GABRG3: variants seen among roughly 807,000 people sequenced by gnomAD.
GABRG3 encodes the protein gamma-aminobutyric acid type A receptor subunit gamma3, also known as gamma-aminobutyric acid receptor subunit gamma-3.
GABRG3 carries 25 observed loss-of-function variants against 48.8 expected under a neutral mutation model. The observed-to-expected ratio is 0.51, with a 90% CI of 0.37 to 0.72. GABRG3 has a LOEUF of 0.72. Ranked by LOEUF, GABRG3 falls within the 30% of genes least tolerant of loss-of-function variation. The pLI is 0.00. For missense variants in GABRG3, 394 were observed against 577.9 expected (o/e 0.68, Z 3.26); for synonymous variants, 227 against 217.6 (o/e 1.04, Z -0.38).
chr15:26,985,158 T>A (rs1019116375), intron 2 of GABRG3, among the ~76,000 whole-genome samples: 2 of 152,208 alleles, frequency 1.3e-5, no homozygotes, highest in South Asian at 4.2e-4. Flanking sequence ...TGGCAGGAGA[T>A]CCCAGCCTCC....
At chr15:27,015,151 G>A (rs1895754787) in intron 2 of GABRG3, among the ~76,000 whole-genome samples, 1 of 152,008 alleles carries the variant, frequency 6.6e-6, no homozygotes, top group Non-Finnish European at 1.5e-5. Flanking sequence ...TTTAACCTAT[G>A]TATGTCCTTA....
intron 5 of GABRG3, among the ~76,000 whole-genome samples, chr15:27,389,224 C>T (rs1433732697): frequency 6.6e-6 from 1 of 152,060 alleles, no homozygotes. Flanking sequence ...ATGAAAGCAA[C>T]AGAAGCTACA....
intron 5 of GABRG3, among the ~76,000 whole-genome samples, chr15:27,394,625 T>C (rs1887244782): frequency 6.6e-6 from 1 of 152,206 alleles, no homozygotes; most frequent in African/African-American, 2.4e-5. Flanking sequence ...TAGAATTTCT[T>C]GTAAAGCAGG....
At chr15:27,190,377 G>T (rs13380044) in intron 3 of GABRG3, among the ~76,000 whole-genome samples, 1 of 152,106 alleles carries the variant, frequency 6.6e-6, no homozygotes, top group Non-Finnish European at 1.5e-5. Context: ...TGGTTGGTAA[G>T]CTATTGATTA....
At chr15:27,338,082 C>T (rs1049489448) in intron 5 of GABRG3, among the ~76,000 whole-genome samples, 9 of 152,104 alleles carry the variant, frequency 5.9e-5, no homozygotes, top group Admixed American at 2.6e-4. Flanking sequence ...CTGTTCGGCT[C>T]CTCCTTGGGG....
chr15:27,237,815 C>T (rs1451964566), intron 3 of GABRG3, among the ~76,000 whole-genome samples: 1 of 152,168 alleles, frequency 6.6e-6, no homozygotes, highest in Non-Finnish European at 1.5e-5. Flanking sequence ...CTTGGGATGC[C>T]ACGGCCCATT....
rs928492604 is a variant in GABRG3, at chr15:27,455,750, G to T, written c.575-24900G>T. On this transcript the variant is annotated intron_variant, in intron 5 of 9. Coordinates refer to ENST00000615808, the MANE Select transcript of GABRG3 (RefSeq NM_033223.5). ...GTTTGTGAGTTTGTGTGTGGTGTGT[G>T]TGTGGTGTGTATGTGTGCTATGTGT... is the stretch of plus-strand genomic sequence containing the variant. Among the ~76,000 whole-genome samples the T allele has an allele frequency of 4.6e-5, 7 of 150,690 alleles. No homozygotes were observed. In the East Asian group the frequency reaches 7.8e-4, roughly 17 times the overall value.
At chr15:27,129,915 G>A (rs1439283693) in intron 3 of GABRG3, among the ~76,000 whole-genome samples, 1 of 151,958 alleles carries the variant, frequency 6.6e-6, no homozygotes, top group Non-Finnish European at 1.5e-5. Context: ...TGTTTAAATA[G>A]TTGCTCTGTT....
chr15:27,029,962 G>A (rs1051984467), intron 3 of GABRG3, among the ~76,000 whole-genome samples: 5 of 152,158 alleles, frequency 3.3e-5, no homozygotes, highest in Admixed American at 1.3e-4. Context: ...GCAACCAAAC[G>A]ACGCAATTTT....
chr15:27,042,912 C>T (rs980289750), intron 3 of GABRG3, among the ~76,000 whole-genome samples: 4 of 152,240 alleles, frequency 2.6e-5, no homozygotes, highest in African/African-American at 9.6e-5. Context: ...GTTGGAGATG[C>T]TGTTGTCACT....
At chr15:27,258,373 T>A (rs996886788) in intron 3 of GABRG3, among the ~76,000 whole-genome samples, 1 of 152,334 alleles carries the variant, frequency 6.6e-6, no homozygotes. Flanking sequence ...GTTCACCTTG[T>A]TCGCAGCCTG....
Position 27,226,015 on chromosome 15 carries a change from G to A in GABRG3, c.271-100794G>A, listed in dbSNP as rs148665723. 2.7e-3 allele frequency among the ~76,000 whole-genome samples: 414 copies of A among 152,308 alleles called. 1 individual carries two copies. Among genetic ancestry groups the A allele is most frequent in the Non-Finnish European group, 4.5e-3 (303 of 68,030 alleles). On this transcript the variant is annotated intron_variant, in intron 3 of 9. Transcript: ENST00000615808. ...TTCTCTGGATGTGTCTTGCAGGCAG[G>A]CACAGGCACAGAAATGGCAACATGG...
chr15:27,496,979 A>G lies in GABRG3; in HGVS notation c.712+16192A>G, dbSNP rs907559848. Among the ~76,000 whole-genome samples, 6 of 152,128 alleles carry G rather than the reference A, an allele frequency of 3.9e-5. No homozygotes were observed. The East Asian group carries it at 1.2e-3, about 29-fold the overall frequency. On this transcript the variant is annotated intron_variant, in intron 6 of 9. Coordinates refer to ENST00000615808, the MANE Select transcript of GABRG3 (RefSeq NM_033223.5). ...TGCTCAAAAGGAAAACACCAAGTCTATCTGTGAGTGCCAGGCCAGGTCTCA... is the reference window on the plus strand; with the variant it reads ...TGCTCAAAAGGAAAACACCAAGTCTGTCTGTGAGTGCCAGGCCAGGTCTCA...
At chr15:27,289,678 A>G in intron 3 of GABRG3, among the ~76,000 whole-genome samples, 1 of 152,170 alleles carries the variant, frequency 6.6e-6, no homozygotes, top group East Asian at 1.9e-4. Context: ...TAAGTGAATG[A>G]ATGGAAGATG....
chr15:27,136,536 C>G (rs1329970430), intron 3 of GABRG3, among the ~76,000 whole-genome samples: 2 of 152,008 alleles, frequency 1.3e-5, no homozygotes, highest in African/African-American at 4.8e-5. Flanking sequence ...CTGGGGTGAT[C>G]GTGTTTCAGG....
chr15:27,199,472 A>G (rs1888611835), intron 3 of GABRG3, among the ~76,000 whole-genome samples: 1 of 152,096 alleles, frequency 6.6e-6, no homozygotes, highest in South Asian at 2.1e-4. Context: ...TCCAAATCTC[A>G]TGCTGAATGT....
At chr15:27,123,012 T>C (rs1160062637) in intron 3 of GABRG3, among the ~76,000 whole-genome samples, 1 of 152,168 alleles carries the variant, frequency 6.6e-6, no homozygotes, top group Non-Finnish European at 1.5e-5. Context: ...CTGGCAGTGA[T>C]GGTGTGGAGC....
chr15:26,997,360 CT>C (rs1409154304), intron 2 of GABRG3, among the ~76,000 whole-genome samples: 2 of 152,154 alleles, frequency 1.3e-5, no homozygotes, highest in South Asian at 4.2e-4. Context: ...GCCTGCTGTT[CT>C]TTTTTTCCTG....
intron 3 of GABRG3, among the ~76,000 whole-genome samples, chr15:27,311,063 A>G (rs1387836143): frequency 6.6e-6 from 1 of 152,194 alleles, no homozygotes; most frequent in Non-Finnish European, 1.5e-5. Context: ...AGAATTTAAT[A>G]GGATTTTAAA....
Sources: allele counts gnomAD v4.1 joint callset (sites outside exome capture counted in the v4.1 genomes callset), GRCh38; gene constraint gnomAD v4.1.1; transcripts MANE v1.5; gene names NCBI Gene and HGNC (gene_info 2026-07-23, HGNC 2026-07-21).